Variants in ANKRD11 observed in about 807,000 individuals in gnomAD.
ANKRD11 encodes the protein ankyrin repeat domain 11, also known as ankyrin repeat domain-containing protein 11.
In ANKRD11, 17 loss-of-function variants were observed where a neutral mutation model predicts 195.7. The ratio of observed to expected loss-of-function variants is 0.09; its 90% confidence interval spans 0.06 to 0.13. The LOEUF is 0.13. ANKRD11 is among the 10% of genes least tolerant of loss of function. The probability of loss-of-function intolerance (pLI) is 1.00; values close to 1 mark genes in which losing one functional copy is unlikely to be tolerated. For missense variants in ANKRD11, 3,735 were observed against 3,566.1 expected (o/e 1.05, Z -1.21); for synonymous variants, 1,953 against 1,528.1 (o/e 1.28, Z -6.49).
chr16:89,305,146 C>G, intron 4 of ANKRD11, 60 bp downstream of exon 4: 1 of 1,593,646 alleles, frequency 6.3e-7, no homozygotes, highest in Non-Finnish European at 8.5e-7. Context: ...GGACGCCCTG[C>G]CTGGGCTGCT....
At chr16:89,343,844 G>A (rs1295894311) in intron 2 of ANKRD11, 1 of 152,300 alleles carries the variant, frequency 6.6e-6, no homozygotes, top group Non-Finnish European at 1.5e-5. Context: ...ATGCTTCGCA[G>A]GCGGTAAGGC....
At position 89,468,880 on chromosome 16, in the gene ANKRD11, G is replaced by C. The variant is rs1484678313; in HGVS notation, c.-145+21365C>G. 2.6e-5 allele frequency among the ~76,000 whole-genome samples: 4 copies of C among 151,992 alleles called. No individual in the cohort carries two copies. The South Asian group carries it at 8.3e-4, about 32-fold the overall frequency. On this transcript the variant is annotated intron_variant, in intron 1 of 12. Coordinates refer to ENST00000301030, the MANE Select transcript of ANKRD11 (RefSeq NM_013275.6). ...AAGAATGATACACTGTCACCAAGTG[G>C]GTTTAACCCAGGAATACATGATTGG... is the stretch of plus-strand genomic sequence containing the variant.
Position 89,357,791 on chromosome 16 carries a change from C to A in ANKRD11, c.-59-40713G>T, listed in dbSNP as rs367806070. Among the ~76,000 whole-genome samples, 37 of 152,340 alleles carry A rather than the reference C, an allele frequency of 2.4e-4. 1 individual carries two copies. Among genetic ancestry groups the A allele is most frequent in the African/African-American group, 8.7e-4 (36 of 41,582 alleles). On this transcript the variant is annotated intron_variant, in intron 2 of 12. Coordinates refer to ENST00000301030, the MANE Select transcript of ANKRD11 (RefSeq NM_013275.6). ...TGAGGGAGGAGTCTGGGAGGAACCA[C>A]TGCTCATCGGCAAGCCAATCCATGG... is the stretch of plus-strand genomic sequence containing the variant.
intron 1 of ANKRD11, among the ~76,000 whole-genome samples, chr16:89,449,560 G>A (rs550037565): frequency 6.4e-4 from 98 of 152,202 alleles, no homozygotes; most frequent in African/African-American, 2.0e-3. Context: ...TTGGGAGGCC[G>A]AGGCAGGCAG....
At chr16:89,286,261 G>GC (rs1416779238) in intron 7 of ANKRD11, 75 bp from the exon 8 acceptor site, 24 of 1,590,740 alleles carry the variant, frequency 1.5e-5, no homozygotes, top group Non-Finnish European at 5.1e-6. Context: ...TAACACGGCA[G>GC]CCCCTTCCGA....
rs563727606 is a variant in ANKRD11, at chr16:89,314,623, G to C, written c.87+2310C>G. Among the ~76,000 whole-genome samples, 10 of 152,296 alleles carry C rather than the reference G, an allele frequency of 6.6e-5. 1 individual carries two copies. Among genetic ancestry groups the C allele is most frequent in the South Asian group, 4.1e-4 (2 of 4,826 alleles). On this transcript the variant is annotated intron_variant, in intron 3 of 12. Transcript: ENST00000301030. ...GGGCTCCACCACGCCCAGCCTGCTGGTGTGTCAAGCGGCTCAGAGAACCAC... is the reference window on the plus strand; with the variant it reads ...GGGCTCCACCACGCCCAGCCTGCTGCTGTGTCAAGCGGCTCAGAGAACCAC...
rs1597454289 is a variant in ANKRD11 at position 89,452,674 on chromosome 16, T to TGAGGCAG, written c.-144-34313_-144-34307dup. Among the ~76,000 whole-genome samples, 4 of 146,948 alleles carry TGAGGCAG rather than the reference T, an allele frequency of 2.7e-5. No homozygotes were observed. The South Asian group carries it at 8.5e-4, about 31-fold the overall frequency. ...AGCCTGTAATCTCAGCTCAGGAGGC[T>TGAGGCAG]GAGGCAGGAGGCAGGAAAATCTCCA... On this transcript the variant is annotated intron_variant, in intron 1 of 12. Transcript: ENST00000301030.
Position 89,282,183 on chromosome 16 carries a change from G to T in ANKRD11, c.4359C>A (p.Ile1453=). The change falls in exon 9 of 13, where the codon ATC becomes ATA. Residue 1453 remains isoleucine (I), a synonymous_variant. Transcript: ENST00000301030. ...KELKPYGSSA[I]NILKEKKKRE... is the part of the protein sequence containing the mutation. ...TCTTCTTCTTCTCTTTTAGGATGTT[G>T]ATGGCACTAGATCCATAAGGCTTTA... The T allele has an allele frequency of 6.2e-7, 1 of 1,613,800 alleles. No homozygotes were observed. Among genetic ancestry groups the T allele is most frequent in the Non-Finnish European group, 8.5e-7 (1 of 1,179,958 alleles).
chr16:89,361,028 C>G (rs1355990299), intron 2 of ANKRD11, among the ~76,000 whole-genome samples: 1 of 152,220 alleles, frequency 6.6e-6, no homozygotes, highest in African/African-American at 2.4e-5. Context: ...CGACTCCAAA[C>G]CTGGGCAGCC....
chr16:89,423,817 G>C (rs771736356), intron 1 of ANKRD11, among the ~76,000 whole-genome samples: 3 of 152,204 alleles, frequency 2.0e-5, no homozygotes, highest in Non-Finnish European at 4.4e-5. Flanking sequence ...CCAGCCTGCG[G>C]ATGTAACAAA....
At chr16:89,342,086 T>TGGCAGGAGTG (rs2038716222) in intron 2 of ANKRD11, among the ~76,000 whole-genome samples, 1 of 81,208 alleles carries the variant, frequency 1.2e-5, no homozygotes, top group African/African-American at 5.3e-5. Context: ...CGCCCACAGC[T>TGGCAGGAGTG]CTGCTTCCCA....
At chr16:89,269,169 T>A (rs1407160213) in intron 12 of ANKRD11, among the ~76,000 whole-genome samples, 4 of 152,028 alleles carry the variant, frequency 2.6e-5, no homozygotes, top group Admixed American at 1.3e-4. Flanking sequence ...CAAGCAACCG[T>A]GTAGAGAATC....
Position 89,280,319 on chromosome 16 carries a change from C to A in ANKRD11, c.6223G>T (p.Ala2075Ser), listed in dbSNP as rs1461855053. 2 of 1,587,430 alleles carry A rather than the reference C, an allele frequency of 1.3e-6. No individual in the cohort carries two copies. Among genetic ancestry groups the A allele is most frequent in the Non-Finnish European group, 1.7e-6 (2 of 1,166,506 alleles). Residue 2075 changes from alanine to serine, a missense_variant, in exon 9 of 13, where the codon GCC becomes TCC. Coordinates refer to ENST00000301030, the MANE Select transcript of ANKRD11 (RefSeq NM_013275.6). Reference sequence around the variant, plus strand: ...GGCTCGGGGGCCACGTCCAGCGGGGCTTCCGGAAGTGACTTGCAGTTGCTG... The same window carrying A: ...GGCTCGGGGGCCACGTCCAGCGGGGATTCCGGAAGTGACTTGCAGTTGCTG... ...FFSNCKSLPEAPLDVAPEPAC... is the reference protein window; with the variant it reads ...FFSNCKSLPESPLDVAPEPAC...
intron 2 of ANKRD11, among the ~76,000 whole-genome samples, chr16:89,320,905 CCTT>C (rs1057449641): frequency 2.0e-5 from 3 of 152,244 alleles, no homozygotes; most frequent in Non-Finnish European, 4.4e-5. Context: ...AAAAGACAAT[CCTT>C]CTACGGGGCT....
chr16:89,322,461 T>C (rs1288519239), intron 2 of ANKRD11, among the ~76,000 whole-genome samples: 2 of 152,292 alleles, frequency 1.3e-5, no homozygotes, highest in Middle Eastern at 3.4e-3. Flanking sequence ...TGAGAAGGGA[T>C]GTGATTCAGC....
chr16:89,375,973 C>T (rs1359109456), intron 2 of ANKRD11, among the ~76,000 whole-genome samples: 1 of 152,168 alleles, frequency 6.6e-6, no homozygotes, highest in Non-Finnish European at 1.5e-5. Context: ...CTGTGCTCTG[C>T]TGTGGATGCT....
rs756611123 is a variant in ANKRD11, at chr16:89,285,313, G to A, written c.1229C>T (p.Thr410Met). 9.3e-6 allele frequency: 15 copies of A among 1,614,000 alleles called. No individual in the cohort carries two copies. Among genetic ancestry groups the A allele is most frequent in the Middle Eastern group, 1.6e-4 (1 of 6,062 alleles). ...KKASHRILSDTSDEEDASVTV... is the reference protein window; with the variant it reads ...KKASHRILSDMSDEEDASVTV... ...GACACTCGCGTCCTCCTCGTCCGAC[G>A]TGTCTGACAGGATACGATGGGACGC... The change falls in exon 9 of 13, where the codon ACG (threonine) becomes ATG (methionine). Residue 410 changes from threonine to methionine, a missense_variant. Coordinates refer to ENST00000301030, the MANE Select transcript of ANKRD11 (RefSeq NM_013275.6). This position sits in a 1 kb window ranked among gnomAD's most constrained non-coding sequence, Gnocchi z 5.6.
At chr16:89,425,861 A>T (rs1198599585) in intron 1 of ANKRD11, among the ~76,000 whole-genome samples, 1 of 152,208 alleles carries the variant, frequency 6.6e-6, no homozygotes, top group African/African-American at 2.4e-5. Flanking sequence ...CTTCAGTGCA[A>T]ATGTTTCTTT....
At chr16:89,474,944 C>G (rs1426076921) in intron 1 of ANKRD11, among the ~76,000 whole-genome samples, 2 of 152,208 alleles carry the variant, frequency 1.3e-5, no homozygotes, top group South Asian at 2.1e-4. Context: ...CCTGCCTGGC[C>G]GGGAGCTGCC....
Sources: gnomAD v4.1 joint callset for allele counts (sites outside exome capture counted in the v4.1 genomes callset) on GRCh38, gnomAD v4.1.1 for gene constraint, Gnocchi (gnomAD v3.1) non-coding constraint, MANE v1.5 for transcripts, NCBI Gene and HGNC (gene_info 2026-07-23, HGNC 2026-07-21) for gene names.